Variants in HMCN1 observed in about 807,000 individuals in gnomAD.
HMCN1 encodes the protein hemicentin 1, also known as hemicentin-1.
A neutral mutation model predicts 625.9 loss-of-function variants in HMCN1; 321 were observed. The observed-to-expected ratio is 0.51, with a 90% CI of 0.47 to 0.56. The LOEUF is 0.56. Ranked by LOEUF, HMCN1 falls within the 20% of genes least tolerant of loss-of-function variation. HMCN1 has a pLI of 0.00. For missense variants in HMCN1, 6,588 were observed against 6,887.3 expected (o/e 0.96, Z 1.54); for synonymous variants, 2,425 against 2,417.6 (o/e 1.00, Z -0.09).
intron 1 of HMCN1, among the ~76,000 whole-genome samples, chr1:185,757,985 T>C (rs1370651782): frequency 6.6e-6 from 1 of 152,206 alleles, no homozygotes; most frequent in East Asian, 1.9e-4. Flanking sequence ...CAATAATTGG[T>C]TGAATTGATG....
In HMCN1 at chr1:186,152,838, A is replaced by G. The variant is rs762132324; in HGVS notation, c.14985A>G (p.Leu4995=). The change falls in exon 96 of 107, where the codon CTA becomes CTG. Residue 4995 remains leucine (L), a synonymous_variant. Coordinates refer to ENST00000271588, the MANE Select transcript of HMCN1 (RefSeq NM_031935.3). ...LLDIVVSGYV[L]QLQSPAEVTV... Reference sequence around the variant, plus strand: ...ATATCGTTGTGAGTGGCTATGTCCTACAGCTTCAGTCACCTGCTGAAGTCA... The same window carrying G: ...ATATCGTTGTGAGTGGCTATGTCCTGCAGCTTCAGTCACCTGCTGAAGTCA... 6.2e-7 allele frequency: 1 copy of G among 1,613,976 alleles called. No individual in the cohort carries two copies. Among genetic ancestry groups the G allele is most frequent in the South Asian group, 1.1e-5 (1 of 91,086 alleles).
At chr1:186,152,119 G>A (rs11809665) in intron 95 of HMCN1, among the ~76,000 whole-genome samples, 16,311 of 152,104 alleles carry the variant, frequency 0.11, 2,404 homozygotes, top group African/African-American at 0.33. Context: ...CTTTATAGCA[G>A]TTCTTTATGA....
intron 68 of HMCN1, among the ~76,000 whole-genome samples, chr1:186,102,835 G>A (rs1660445189): frequency 2.0e-5 from 3 of 152,138 alleles, no homozygotes; most frequent in Non-Finnish European, 4.4e-5. Context: ...GGAGTAGTTA[G>A]ACTAAAGAAC....
At chr1:185,774,224 A>T (rs150673726) in intron 1 of HMCN1, among the ~76,000 whole-genome samples, 1 of 152,234 alleles carries the variant, frequency 6.6e-6, no homozygotes, top group East Asian at 1.9e-4. Flanking sequence ...GGGAAACAAG[A>T]CTTTGTGGTA....
chr1:186,176,591 C>T (rs2102649632), intron 103 of HMCN1, among the ~76,000 whole-genome samples: 1 of 152,324 alleles, frequency 6.6e-6, no homozygotes, highest in Non-Finnish European at 1.5e-5. Flanking sequence ...TGAGCACCTA[C>T]TTTGTGTTGG....
chr1:185,845,698 T>G (rs1337333339), intron 1 of HMCN1, among the ~76,000 whole-genome samples: 1 of 152,206 alleles, frequency 6.6e-6, no homozygotes, highest in East Asian at 1.9e-4. Flanking sequence ...TTCATCTAAA[T>G]TCTAACAAAG....
intron 97 of HMCN1, among the ~76,000 whole-genome samples, chr1:186,156,316 T>C (rs1651017342): frequency 6.6e-6 from 1 of 152,142 alleles, no homozygotes; most frequent in Non-Finnish European, 1.5e-5. Context: ...CAACCATGAT[T>C]AATCTTAATA....
At chr1:186,089,062 A>G (rs895131933) in intron 63 of HMCN1, among the ~76,000 whole-genome samples, 2 of 151,962 alleles carry the variant, frequency 1.3e-5, no homozygotes, top group Non-Finnish European at 2.9e-5. Context: ...AACTGGTATA[A>G]TTCATTTTGA....
At chr1:185,845,568 C>CT in intron 1 of HMCN1, among the ~76,000 whole-genome samples, 1 of 152,286 alleles carries the variant, frequency 6.6e-6, no homozygotes, top group African/African-American at 2.4e-5. Context: ...TGAATGTTCA[C>CT]TTTTTTCTAT....
chr1:185,883,611 A>G (rs962972317), intron 4 of HMCN1, among the ~76,000 whole-genome samples: 1 of 152,000 alleles, frequency 6.6e-6, no homozygotes, highest in African/African-American at 2.4e-5. Context: ...GATTTTATGG[A>G]TATACCACAA....
At chr1:185,913,223 C>T (rs73062155) in intron 6 of HMCN1, among the ~76,000 whole-genome samples, 16,384 of 152,180 alleles carry the variant, frequency 0.11, 2,863 homozygotes, top group African/African-American at 0.37. Flanking sequence ...AATCTGGTAA[C>T]TTCTTAATGA....
intron 1 of HMCN1, among the ~76,000 whole-genome samples, chr1:185,765,234 T>C (rs1655796008): frequency 6.6e-6 from 1 of 152,124 alleles, no homozygotes; most frequent in Admixed American, 6.6e-5. Context: ...ATGAGAGGCA[T>C]AGTGAGTCTA....
At chr1:186,035,620 A>G (rs1265005546) in intron 36 of HMCN1, among the ~76,000 whole-genome samples, 1 of 151,970 alleles carries the variant, frequency 6.6e-6, no homozygotes, top group Non-Finnish European at 1.5e-5. Context: ...ATATTAATCA[A>G]TTTCACTTTA....
chr1:186,053,599 A>T (rs1657113340), intron 43 of HMCN1, among the ~76,000 whole-genome samples: 1 of 152,058 alleles, frequency 6.6e-6, no homozygotes, highest in Non-Finnish European at 1.5e-5. Flanking sequence ...TTTTCAATTT[A>T]TTTATCAACA....
At chr1:185,879,725 C>G (rs777668015) in intron 4 of HMCN1, among the ~76,000 whole-genome samples, 7 of 152,062 alleles carry the variant, frequency 4.6e-5, no homozygotes, top group African/African-American at 7.2e-5. Flanking sequence ...GAAAGTAAGA[C>G]GTCTGGAGCA....
intron 4 of HMCN1, among the ~76,000 whole-genome samples, chr1:185,882,459 T>C (rs1303365553): frequency 6.6e-6 from 1 of 152,106 alleles, no homozygotes; most frequent in East Asian, 1.9e-4. Flanking sequence ...GTTTGGCTTT[T>C]ACCTGTTTTA....
intron 2 of HMCN1, among the ~76,000 whole-genome samples, chr1:185,850,985 G>A (rs550164801): frequency 2.6e-4 from 39 of 152,098 alleles, no homozygotes; most frequent in African/African-American, 8.2e-4. Context: ...AAAATTTAAA[G>A]GTTAAACATG....
At chr1:186,048,037 ATAT>A (rs1475658904) in intron 41 of HMCN1, among the ~76,000 whole-genome samples, 2 of 152,124 alleles carry the variant, frequency 1.3e-5, no homozygotes, top group Non-Finnish European at 2.9e-5. Flanking sequence ...TATTACTTAA[ATAT>A]TATTTATTAA....
At chr1:186,138,256 G>T (rs1649743373) in intron 89 of HMCN1, among the ~76,000 whole-genome samples, 1 of 152,088 alleles carries the variant, frequency 6.6e-6, no homozygotes, top group South Asian at 2.1e-4. Context: ...GTATTTACAA[G>T]GTCATAAAGT....
Sources: allele counts gnomAD v4.1 joint callset (sites outside exome capture counted in the v4.1 genomes callset), GRCh38; gene constraint gnomAD v4.1.1; transcripts MANE v1.5; gene names NCBI Gene and HGNC (gene_info 2026-07-23, HGNC 2026-07-21).